Variants in SPRED1 observed in about 807,000 individuals in gnomAD.
SPRED1 encodes the protein sprouty related EVH1 domain containing 1.
A neutral mutation model predicts 52.3 loss-of-function variants in SPRED1; 18 were observed. The observed-to-expected ratio is 0.34, with a 90% CI of 0.24 to 0.51. The LOEUF is 0.51. SPRED1 is among the 20% of genes least tolerant of loss of function. The pLI is 0.97. For synonymous variants in SPRED1, 155 were observed against 179.7 expected (o/e 0.86, Z 1.10); for missense variants, 485 against 551.0 (o/e 0.88, Z 1.20).
At chr15:38,303,773 G>A (rs948270182) in intron 2 of SPRED1, among the ~76,000 whole-genome samples, 3 of 152,130 alleles carry the variant, frequency 2.0e-5, no homozygotes, top group Non-Finnish European at 4.4e-5. Context: ...AATAGGCTGA[G>A]TAGAAAGATA....
intron 4 of SPRED1, among the ~76,000 whole-genome samples, chr15:38,333,817 T>C (rs1457662118): frequency 6.6e-6 from 1 of 152,140 alleles, no homozygotes; most frequent in Admixed American, 6.6e-5. Context: ...GCAACATTTA[T>C]TGAAATAGCA....
chr15:38,347,766 A>T (rs111909302), intron 5 of SPRED1, among the ~76,000 whole-genome samples: 1 of 152,076 alleles, frequency 6.6e-6, no homozygotes, highest in African/African-American at 2.4e-5. Context: ...TCCTTTTAAA[A>T]TTTTAATTGT....
chr15:38,287,439 A>G (rs1238732556), intron 1 of SPRED1, among the ~76,000 whole-genome samples: 1 of 152,050 alleles, frequency 6.6e-6, no homozygotes, highest in African/African-American at 2.4e-5. Flanking sequence ...GTTTTTTCTT[A>G]AAATAAAGAA....
chr15:38,267,683 T>A (rs1185112248), intron 1 of SPRED1, among the ~76,000 whole-genome samples: 1 of 152,194 alleles, frequency 6.6e-6, no homozygotes, highest in Admixed American at 6.5e-5. Context: ...CATGTAAGTG[T>A]TTGTTATAAT....
chr15:38,280,637 G>A (rs1894667697), intron 1 of SPRED1, among the ~76,000 whole-genome samples: 1 of 152,126 alleles, frequency 6.6e-6, no homozygotes, highest in African/African-American at 2.4e-5. Context: ...AGGACATTTG[G>A]TTAGGCAGTG....
At chr15:38,274,933 A>G (rs982699818) in intron 1 of SPRED1, among the ~76,000 whole-genome samples, 3 of 152,186 alleles carry the variant, frequency 2.0e-5, no homozygotes, top group African/African-American at 7.2e-5. Flanking sequence ...AATTTTCATC[A>G]TTTGGTTAAG....
chr15:38,267,278 AC>A (rs1894328408), intron 1 of SPRED1, among the ~76,000 whole-genome samples: 1 of 152,146 alleles, frequency 6.6e-6, no homozygotes, highest in Non-Finnish European at 1.5e-5. Context: ...CCAAAAGTTT[AC>A]CTACTTGTTA....
At chr15:38,326,137 T>TG (rs1895706772) in intron 4 of SPRED1, 1 of 151,956 alleles carries the variant, frequency 6.6e-6, no homozygotes, top group African/African-American at 2.4e-5. Flanking sequence ...TAAATGAAAA[T>TG]GAAGAAAACC....
At chr15:38,295,052 G>C (rs7183113) in intron 1 of SPRED1, among the ~76,000 whole-genome samples, 118,104 of 152,108 alleles carry the variant, frequency 0.78, 47,233 homozygotes, top group South Asian at 0.87. Flanking sequence ...TTGAGTGCCA[G>C]TTGAGTGGAG....
chr15:38,309,144 CTTA>C (rs1895310892), intron 2 of SPRED1, among the ~76,000 whole-genome samples: 1 of 152,068 alleles, frequency 6.6e-6, no homozygotes, highest in Non-Finnish European at 1.5e-5. Context: ...TGCCCATTTT[CTTA>C]TTGGATTGTT....
intron 2 of SPRED1, among the ~76,000 whole-genome samples, chr15:38,308,485 T>C (rs1895295803): frequency 6.6e-6 from 1 of 152,244 alleles, no homozygotes; most frequent in Non-Finnish European, 1.5e-5. Context: ...TTCTGTTGAT[T>C]TTATCACCAC....
At chr15:38,322,489 G>A (rs995700121) in intron 3 of SPRED1, 80 bp downstream of exon 3, 40 of 1,496,296 alleles carry the variant, frequency 2.7e-5, no homozygotes, top group African/African-American at 4.2e-5. Flanking sequence ...TTGACCCAAA[G>A]TAGTTTTCAC....
At chr15:38,299,211 C>T (rs1895101213) in intron 1 of SPRED1, 162 bp from the exon 2 acceptor site, 1 of 815,112 alleles carries the variant, frequency 1.2e-6, no homozygotes, top group African/African-American at 1.7e-5. Context: ...GGTTTTTGAC[C>T]TCTTTCAAGT....
rs995774365 is a variant in SPRED1 at position 38,322,134 on chromosome 15, T to G, written c.208-107T>G. 9 of 1,087,532 alleles carry G rather than the reference T, an allele frequency of 8.3e-6. No individual in the cohort carries two copies. In the African/African-American group the frequency reaches 1.4e-4, roughly 17 times the overall value. The allele number at this position is 1,087,532 out of a possible 1,614,324, so 67.4% of individuals were successfully genotyped here. A position where few individuals can be genotyped will look rare whatever the true frequency, so the allele number is the denominator to read the frequency against. ...CCACTTTATTTAAAATACTAAAAAT[T>G]ATTCATTAAAAAGTAATAGCGTTGT... On this transcript the variant is annotated intron_variant, in intron 2 of 6. Coordinates refer to ENST00000299084, the MANE Select transcript of SPRED1 (RefSeq NM_152594.3).
intron 1 of SPRED1, among the ~76,000 whole-genome samples, chr15:38,261,606 C>T (rs1355515444): frequency 6.6e-6 from 1 of 152,052 alleles, no homozygotes; most frequent in African/African-American, 2.4e-5. Context: ...CGGAGTCTTG[C>T]TCTGTCTCCC....
At chr15:38,320,303 G>A (rs567626356) in intron 2 of SPRED1, among the ~76,000 whole-genome samples, 1 of 152,212 alleles carries the variant, frequency 6.6e-6, no homozygotes, top group African/African-American at 2.4e-5. Flanking sequence ...AGTGCATAAA[G>A]CCTAAAAGAT....
chr15:38,267,381 C>G (rs1381081234), intron 1 of SPRED1, among the ~76,000 whole-genome samples: 4 of 152,060 alleles, frequency 2.6e-5, no homozygotes, highest in Middle Eastern at 3.2e-3. Flanking sequence ...ATTTTCTTCT[C>G]TTTAGTAAAA....
chr15:38,314,990 T>G (rs1245702821), intron 2 of SPRED1, among the ~76,000 whole-genome samples: 2 of 151,884 alleles, frequency 1.3e-5, no homozygotes, highest in African/African-American at 4.8e-5. Context: ...GAACACAGTG[T>G]TAAACACAAA....
intron 1 of SPRED1, among the ~76,000 whole-genome samples, chr15:38,282,383 T>A (rs6495955): frequency 0.83 from 124,919 of 151,384 alleles, 52,297 homozygotes; most frequent in Non-Finnish European, 0.9. Context: ...GGCAGGCACC[T>A]GTAATTCCCA....
Sources: allele counts gnomAD v4.1 joint callset (sites outside exome capture counted in the v4.1 genomes callset), GRCh38; gene constraint gnomAD v4.1.1; transcripts MANE v1.5; gene names NCBI Gene and HGNC (gene_info 2026-07-23, HGNC 2026-07-21).